Variants in PI4KA observed in about 807,000 individuals in gnomAD.
PI4KA encodes the protein PI4-kinase alpha.
A neutral mutation model predicts 271.4 loss-of-function variants in PI4KA; 122 were observed. That is an observed-to-expected ratio of 0.45 (90% confidence interval 0.39 to 0.52). The LOEUF (loss-of-function observed/expected upper bound fraction) is 0.52. Ranked by LOEUF, PI4KA falls within the 20% of genes least tolerant of loss-of-function variation. PI4KA has a pLI of 0.00. For missense variants in PI4KA, 1,969 were observed against 2,769.1 expected (o/e 0.71, Z 6.48); for synonymous variants, 1,041 against 1,078.8 (o/e 0.96, Z 0.69).
chr22:20,747,782 T>C, intron 28 of PI4KA, 80 bp from the exon 29 acceptor site: 2 of 1,373,936 alleles, frequency 1.5e-6, no homozygotes, highest in Non-Finnish European at 2.0e-6. Context: ...TCACCCAGGC[T>C]GGAGTGTGGT....
intron 48 of PI4KA, chr22:20,713,052 G>A (rs1008007748): frequency 1.1e-5 from 7 of 645,646 alleles, no homozygotes; most frequent in Non-Finnish European, 1.9e-5. Flanking sequence ...CCCAACCCCT[G>A]GACAGTTCCC....
chr22:20,749,912 T>A lies in PI4KA; in HGVS notation c.3236A>T (p.His1079Leu), dbSNP rs1354523659. The A allele has an allele frequency of 1.2e-6, 2 of 1,603,504 alleles. No homozygotes were observed. The highest frequency in any genetic ancestry group is 1.7e-6 in the Non-Finnish European group (2 of 1,170,406). Residue 1079 changes from histidine to leucine, a missense_variant, in exon 28 of 55, where the codon CAC (histidine) becomes CTC (leucine). Physicochemically the swap from His to Leu is moderately conservative, Grantham distance 99 (BLOSUM62 -3). This residue lies in a region of PI4KA where 368 missense variants were observed against 544.3 expected (regional missense o/e 0.68). Coordinates refer to ENST00000255882, the MANE Select transcript of PI4KA (RefSeq NM_058004.4). ...TTTGATGGTTTCAAGTACCTGCAGG[T>A]GGGACTTGGTGACGGTAGGTGCCCA... ...MKWAPTVTKS[H>L]LQEYLNKHQN...
At chr22:20,773,112 G>A (rs746529994) in intron 19 of PI4KA, among the ~76,000 whole-genome samples, 4 of 151,076 alleles carry the variant, frequency 2.6e-5, no homozygotes, top group South Asian at 2.1e-4. Flanking sequence ...AGGGCCAGGC[G>A]TGGTGGCTCA....
chr22:20,790,569 G>A (rs778274555), intron 19 of PI4KA, among the ~76,000 whole-genome samples: 1 of 151,932 alleles, frequency 6.6e-6, no homozygotes, highest in South Asian at 2.1e-4. Flanking sequence ...GCTGAGGCAG[G>A]AGAATAGCTT....
intron 19 of PI4KA, among the ~76,000 whole-genome samples, chr22:20,767,287 C>G (rs944658446): frequency 6.6e-6 from 1 of 151,970 alleles, no homozygotes; most frequent in Non-Finnish European, 1.5e-5. Context: ...CTAAAAAATA[C>G]AAAAACATTA....
At chr22:20,788,548 G>A (rs554095340) in intron 19 of PI4KA, among the ~76,000 whole-genome samples, 1 of 152,338 alleles carries the variant, frequency 6.6e-6, no homozygotes, top group South Asian at 2.1e-4. Context: ...ACCCAGGCAG[G>A]GGGACCCTGC....
chr22:20,837,704 T>C (rs914938010), intron 2 of PI4KA, among the ~76,000 whole-genome samples: 1 of 152,208 alleles, frequency 6.6e-6, no homozygotes, highest in East Asian at 1.9e-4. Context: ...CAATATCCAA[T>C]GATCAATCAT....
At chr22:20,737,338 G>A (rs1326215731) in intron 32 of PI4KA, among the ~76,000 whole-genome samples, 2 of 152,220 alleles carry the variant, frequency 1.3e-5, no homozygotes, top group Non-Finnish European at 2.9e-5. Flanking sequence ...AGGAGGCTGT[G>A]AGCAGCTTTC....
chr22:20,738,164 CCT>C (rs991270950), intron 32 of PI4KA, among the ~76,000 whole-genome samples: 1 of 151,774 alleles, frequency 6.6e-6, no homozygotes, highest in Non-Finnish European at 1.5e-5. Context: ...CAGGTGGGCA[CCT>C]GGGCCCACAC....
intron 42 of PI4KA, among the ~76,000 whole-genome samples, chr22:20,722,758 C>T (rs2147209881): frequency 6.6e-6 from 1 of 152,254 alleles, no homozygotes; most frequent in Non-Finnish European, 1.5e-5. Flanking sequence ...TGAAGTGTCC[C>T]TTGGATGGAC....
At chr22:20,727,116 A>C in intron 41 of PI4KA, 114 bp downstream of exon 41, 2 of 828,982 alleles carry the variant, frequency 2.4e-6, no homozygotes, top group Non-Finnish European at 3.7e-6. Flanking sequence ...CAGGGAAAGG[A>C]CCAGTATGTA....
chr22:20,803,430 C>T (rs964955917), intron 12 of PI4KA, 110 bp from the exon 13 acceptor site: 4 of 1,377,558 alleles, frequency 2.9e-6, no homozygotes, highest in South Asian at 2.5e-5. Context: ...CCCAAAACTT[C>T]GAAGGTCAAA....
chr22:20,777,043 GT>G (rs362134), intron 19 of PI4KA, among the ~76,000 whole-genome samples: 68,325 of 148,512 alleles, frequency 0.46, 16,052 homozygotes, highest in African/African-American at 0.57. Context: ...GTTTTTTTTT[GT>G]TTTTTTTTTG....
intron 30 of PI4KA, among the ~76,000 whole-genome samples, chr22:20,743,114 A>G (rs946994101): frequency 6.6e-6 from 1 of 151,906 alleles, no homozygotes; most frequent in East Asian, 1.9e-4. Context: ...ATTTCCTCAA[A>G]CTCAATTAAT....
At chr22:20,730,067 C>CA in intron 36 of PI4KA, 56 bp from the exon 37 acceptor site, 2 of 1,592,538 alleles carry the variant, frequency 1.3e-6, no homozygotes, top group Non-Finnish European at 1.7e-6. Context: ...AAAGGTACCA[C>CA]AAAAAATAAA....
chr22:20,799,406 C>G, intron 15 of PI4KA, 130 bp from the exon 16 acceptor site: 1 of 930,008 alleles, frequency 1.1e-6, no homozygotes, highest in Non-Finnish European at 1.6e-6. Flanking sequence ...CTGAAACTGA[C>G]AGCCCAGGAT....
chr22:20,815,673 G>A (rs1035839898), intron 7 of PI4KA, among the ~76,000 whole-genome samples: 3 of 152,114 alleles, frequency 2.0e-5, no homozygotes, highest in African/African-American at 2.4e-5. Context: ...GAGCTGAGAC[G>A]CCAAGAGGCC....
At chr22:20,728,863 G>A (rs1008948436) in intron 39 of PI4KA, among the ~76,000 whole-genome samples, 1 of 152,148 alleles carries the variant, frequency 6.6e-6, no homozygotes, top group Non-Finnish European at 1.5e-5. Flanking sequence ...GTCCCCATAA[G>A]AGCTGCCACA....
intron 29 of PI4KA, among the ~76,000 whole-genome samples, chr22:20,745,732 A>G (rs1318934111): frequency 1.3e-5 from 2 of 152,120 alleles, no homozygotes; most frequent in African/African-American, 4.8e-5. Flanking sequence ...TGGGAAGTCA[A>G]TGTCTCTGAG....
Sources: allele counts gnomAD v4.1 joint callset (sites outside exome capture counted in the v4.1 genomes callset), GRCh38; gene constraint gnomAD v4.1.1; regional missense constraint gnomAD v4.1.1; transcripts MANE v1.5; gene names NCBI Gene and HGNC (gene_info 2026-07-23, HGNC 2026-07-21).